POTEE: variants seen among roughly 807,000 people sequenced by gnomAD.
The protein encoded by POTEE is POTE ankyrin domain family member E, also known as ANKRD26-like family C member 1A.
Under a neutral mutation model 74.2 loss-of-function variants are expected in POTEE, and 21 were observed. The ratio of observed to expected loss-of-function variants is 0.28; its 90% confidence interval spans 0.20 to 0.41. POTEE has a LOEUF of 0.41. POTEE is among the 10% of genes least tolerant of loss of function. The probability of loss-of-function intolerance (pLI) is 1.00; values close to 1 mark genes in which losing one functional copy is unlikely to be tolerated. For missense variants in POTEE, 525 were observed against 1,158.6 expected, an observed-to-expected ratio of 0.45 and a Z score of 7.94; for synonymous variants, 211 against 432.8, an observed-to-expected ratio of 0.49 and a Z score of 6.36.
intron 6 of POTEE, among the ~76,000 whole-genome samples, chr2:131,226,217 A>G (rs1327948306): frequency 1.3e-5 from 2 of 149,320 alleles, no homozygotes; most frequent in Non-Finnish European, 3.0e-5. Context: ...AAGAATACAG[A>G]TAGGAATTCT....
chr2:131,210,445 G>C (rs1700334039), intron 1 of POTEE, among the ~76,000 whole-genome samples: 1 of 151,326 alleles, frequency 6.6e-6, no homozygotes, highest in African/African-American at 2.4e-5. Flanking sequence ...TGCTATGGGG[G>C]CTATACTGCC....
intron 7 of POTEE, among the ~76,000 whole-genome samples, 194 bp from the exon 8 acceptor site, chr2:131,228,050 G>C (rs1425676759): frequency 1.3e-5 from 2 of 150,636 alleles, no homozygotes; most frequent in Non-Finnish European, 2.9e-5. Context: ...AGATAAGAGG[G>C]TTTTTTTTGG....
chr2:131,243,604 G>A (rs1377300946), intron 12 of POTEE, among the ~76,000 whole-genome samples: 11 of 136,438 alleles, frequency 8.1e-5, no homozygotes, highest in East Asian at 4.1e-4. Context: ...GACATGGGTC[G>A]GGCATGGTGG....
rs201015473 is a variant in POTEE at position 131,223,647 on chromosome 2, C to T, written c.573C>T (p.Leu191=). Residue 191 remains leucine (L), a synonymous_variant, in exon 5 of 18, where the codon CTC becomes CTT. Coordinates refer to ENST00000683005, the MANE Select transcript of POTEE (RefSeq NM_001083538.3). ...SANGNSEVVK[L]LLDRRCQLNV... is the part of the protein sequence containing the mutation. ...ATGGGAATTCAGAAGTAGTAAAACT[C>T]CTGCTGGACAGACGATGTCAACTTA... 6,500 of 1,611,874 alleles carry T rather than the reference C, an allele frequency of 4.0e-3. 28 individuals carry two copies. Among genetic ancestry groups the T allele is most frequent in the Middle Eastern group, 3.8e-3 (20 of 5,320 alleles).
At position 131,211,584 on chromosome 2, in the gene POTEE, G is replaced by A. The variant is rs572666196; in HGVS notation, c.-189+401G>A. Among the ~76,000 whole-genome samples, 50 of 103,702 alleles carry A rather than the reference G, an allele frequency of 4.8e-4. No individual in the cohort carries two copies. In the South Asian group the frequency reaches 7.3e-3, roughly 15 times the overall value. 68.0% of individuals were successfully genotyped at this position (103,702 alleles called of 152,430 possible). Reference sequence around the variant, plus strand: ...TTTTTTTTTTTTGAGACAGAGTCTCGCTCTTTTGCCCAGGCTGGAGTGCAG... The same window carrying A: ...TTTTTTTTTTTTGAGACAGAGTCTCACTCTTTTGCCCAGGCTGGAGTGCAG... On this transcript the variant is annotated intron_variant, in intron 2 of 17. Transcript: ENST00000683005.
Position 131,224,605 on chromosome 2 carries a change from T to C in POTEE, c.810+562T>C, listed in dbSNP as rs569493509. Among the ~76,000 whole-genome samples the C allele has an allele frequency of 2.6e-5, 4 of 151,924 alleles. No individual in the cohort carries two copies. The South Asian group carries it at 6.2e-4, about 24-fold the overall frequency. ...ATTAGATAATGGAGGGAAAAGACCA[T>C]GAAGAGGTTGTGTGTGTGTGTGTTG... On this transcript the variant is annotated intron_variant, in intron 6 of 17. Coordinates refer to ENST00000683005, the MANE Select transcript of POTEE (RefSeq NM_001083538.3).
chr2:131,230,149 A>G (rs1700904090), intron 8 of POTEE, among the ~76,000 whole-genome samples: 1 of 152,164 alleles, frequency 6.6e-6, no homozygotes, highest in African/African-American at 2.4e-5. Context: ...GGACAATCAC[A>G]TTATCTACTT....
chr2:131,230,209 G>A (rs1671735826), intron 8 of POTEE, among the ~76,000 whole-genome samples: 1 of 152,124 alleles, frequency 6.6e-6, no homozygotes, highest in Admixed American at 6.5e-5. Context: ...ACATAGTTGA[G>A]ATGCCCTGAA....
chr2:131,230,497 G>A (rs979116829), intron 8 of POTEE, among the ~76,000 whole-genome samples: 2 of 152,126 alleles, frequency 1.3e-5, no homozygotes, highest in African/African-American at 4.8e-5. Context: ...AAGACATTGA[G>A]CCTAAGAGAA....
rs963170303 is a variant in POTEE at position 131,231,321 on chromosome 2, C to T, written c.1126+415C>T. On this transcript the variant is annotated intron_variant, in intron 9 of 17. Transcript: ENST00000683005. ...GATCTGACTGGAGGCAGAGTACAGG[C>T]GGTAATATGAGCCATAAGGAGTGGC... 2.6e-4 allele frequency among the ~76,000 whole-genome samples: 40 copies of T among 151,136 alleles called. 1 individual carries two copies. Among genetic ancestry groups the T allele is most frequent in the Middle Eastern group, 3.4e-3 (1 of 294 alleles).
intron 3 of POTEE, 69 bp from the exon 4 acceptor site, chr2:131,218,241 T>A: frequency 9.3e-7 from 1 of 1,079,612 alleles, no homozygotes. Flanking sequence ...CTGGGTGGGG[T>A]GGGCTGGGCT....
At position 131,226,527 on chromosome 2, in the gene POTEE, TATC is replaced by T. The variant is rs1463668815; in HGVS notation, c.811-292_811-290del. On this transcript the variant is annotated intron_variant, in intron 6 of 17. Transcript: ENST00000683005. The stretch of plus-strand genomic sequence containing the variant: ...CTTTTTGTTTAGATGGGAAAAATAT[TATC>T]ATCCAATAACACCATGCCAAATGCT... 6.4e-4 allele frequency among the ~76,000 whole-genome samples: 92 copies of T among 143,444 alleles called. 1 individual carries two copies. The highest frequency in any genetic ancestry group is 2.4e-3 in the African/African-American group (88 of 36,854). The allele number at this position is 143,444 out of a possible 152,430, so 94.1% of individuals were successfully genotyped here.
intron 2 of POTEE, among the ~76,000 whole-genome samples, chr2:131,216,054 T>C (rs1235203155): frequency 6.6e-6 from 1 of 152,094 alleles, no homozygotes; most frequent in African/African-American, 2.4e-5. Flanking sequence ...CAAACTGTTA[T>C]CTGAAAAATA....
In POTEE at chr2:131,209,815, T is replaced by TGTA. The variant is rs1444838620; in HGVS notation, c.-347_-345dup. On this transcript the variant is annotated 5_prime_UTR_variant, in exon 1 of 18. Transcript: ENST00000683005. ...GGCCAGAGTGGTAGAAATGTCCTGGTGTAGGTGAGTTATCCGGGGATGTAC... is the reference window on the plus strand; with the variant it reads ...GGCCAGAGTGGTAGAAATGTCCTGGTGTAGTAGGTGAGTTATCCGGGGATGTAC... Among the ~76,000 whole-genome samples, 2 of 152,012 alleles carry TGTA rather than the reference T, an allele frequency of 1.3e-5. No individual in the cohort carries two copies. Among genetic ancestry groups the TGTA allele is most frequent in the African/African-American group, 4.8e-5 (2 of 41,470 alleles).
At chr2:131,224,244 A>G (rs1340567449) in intron 6 of POTEE, among the ~76,000 whole-genome samples, 1 of 149,976 alleles carries the variant, frequency 6.7e-6, no homozygotes, top group South Asian at 2.1e-4. Context: ...TTTTTTTTTT[A>G]ATGCACTTGT....
intron 4 of POTEE, among the ~76,000 whole-genome samples, chr2:131,221,268 G>A (rs1318337937): frequency 6.6e-6 from 1 of 152,018 alleles, no homozygotes; most frequent in Non-Finnish European, 1.5e-5. Flanking sequence ...CCATAGGATG[G>A]ACTAATATGT....
chr2:131,219,492 G>T (rs1297614664), intron 4 of POTEE, among the ~76,000 whole-genome samples: 1 of 152,120 alleles, frequency 6.6e-6, no homozygotes, highest in Admixed American at 6.5e-5. Context: ...TGTAATCCCA[G>T]CACTTTGGGA....
chr2:131,210,599 G>A (rs915910768), intron 1 of POTEE, among the ~76,000 whole-genome samples: 21 of 151,990 alleles, frequency 1.4e-4, no homozygotes, highest in Non-Finnish European at 2.4e-4. Flanking sequence ...ACCCACTGCG[G>A]TTCTCCGGCC....
chr2:131,218,341 G>A lies in POTEE; in HGVS notation c.-62G>A, dbSNP rs1200197759. 1.2e-5 allele frequency: 19 copies of A among 1,604,150 alleles called. No homozygotes were observed. Among genetic ancestry groups the A allele is most frequent in the Admixed American group, 5.0e-5 (3 of 59,682 alleles). The stretch of plus-strand genomic sequence containing the variant: ...AACCCGGAGTTACCTGCTAGTTGGT[G>A]AAACTGGTTGGTAGACGCGATCTGT... On this transcript the variant is annotated 5_prime_UTR_variant, in exon 4 of 18. Transcript: ENST00000683005.
Sources: gnomAD v4.1 joint callset for allele counts (sites outside exome capture counted in the v4.1 genomes callset) on GRCh38, gnomAD v4.1.1 for gene constraint, MANE v1.5 for transcripts, NCBI Gene and HGNC (gene_info 2026-07-23, HGNC 2026-07-21) for gene names.